The following ERBB4 variants were observed in gnomAD, a reference collection of about 807,000 sequenced individuals.
ERBB4 encodes receptor tyrosine-protein kinase erbB-4.
A neutral mutation model predicts 158.0 loss-of-function variants in ERBB4; 42 were observed. The ratio of observed to expected loss-of-function variants is 0.27; its 90% confidence interval spans 0.21 to 0.34. The LOEUF (loss-of-function observed/expected upper bound fraction) is 0.34, where lower values mean the gene tolerates loss of function less well. Ranked by LOEUF, ERBB4 falls within the 10% of genes least tolerant of loss-of-function variation. The probability of loss-of-function intolerance (pLI) is 1.00; values close to 1 mark genes in which losing one functional copy is unlikely to be tolerated. For synonymous variants in ERBB4, 583 were observed against 558.7 expected, an observed-to-expected ratio of 1.04 and a Z score of -0.61; for missense variants, 1,333 against 1,624.1, an observed-to-expected ratio of 0.82 and a Z score of 3.08.
chr2:211,948,059 A>G (rs987570784), intron 2 of ERBB4, among the ~76,000 whole-genome samples: 4 of 152,196 alleles, frequency 2.6e-5, no homozygotes, highest in African/African-American at 7.2e-5. Flanking sequence ...AAATGGCTCT[A>G]TTGGTGTTTG....
intron 20 of ERBB4, among the ~76,000 whole-genome samples, chr2:211,526,933 A>C (rs566268400): frequency 3.2e-4 from 48 of 152,268 alleles, no homozygotes; most frequent in African/African-American, 1.1e-3. Context: ...ACAATAAAGC[A>C]TGCCTACAAG....
At chr2:212,402,145 C>G (rs1201273451) in intron 1 of ERBB4, among the ~76,000 whole-genome samples, 1 of 152,006 alleles carries the variant, frequency 6.6e-6, no homozygotes, top group Non-Finnish European at 1.5e-5. Flanking sequence ...GTTTAATAAA[C>G]AGTGGTGCAT....
At chr2:211,494,841 G>A (rs564639826) in intron 20 of ERBB4, among the ~76,000 whole-genome samples, 1 of 152,224 alleles carries the variant, frequency 6.6e-6, no homozygotes, top group South Asian at 2.1e-4. Flanking sequence ...AGGATTCACT[G>A]TGCACCTCCT....
At chr2:212,454,872 G>T (rs1688198502) in intron 1 of ERBB4, among the ~76,000 whole-genome samples, 2 of 148,752 alleles carry the variant, frequency 1.3e-5, no homozygotes, top group East Asian at 2.0e-4. Context: ...GTTCCTTTAG[G>T]TTTTTTTTTT....
rs2082040305 is a variant in ERBB4 at position 212,187,227 on chromosome 2, A to G, written c.83-62324T>C. 2.6e-5 allele frequency among the ~76,000 whole-genome samples: 4 copies of G among 152,128 alleles called. No homozygotes were observed. The South Asian group carries it at 8.3e-4, about 32-fold the overall frequency. ...ATAAAACATTTGAGTACTATTATTA[A>G]CATTGAGACTGTCATTTAAGATATT... On this transcript the variant is annotated intron_variant, in intron 1 of 27. Coordinates refer to ENST00000342788, the MANE Select transcript of ERBB4 (RefSeq NM_005235.3).
intron 20 of ERBB4, among the ~76,000 whole-genome samples, chr2:211,514,702 TGA>T (rs2065978308): frequency 6.6e-6 from 1 of 152,170 alleles, no homozygotes; most frequent in African/African-American, 2.4e-5. Flanking sequence ...ACATACAGGT[TGA>T]GAATCCCTTA....
intron 2 of ERBB4, among the ~76,000 whole-genome samples, chr2:211,993,482 CA>C (rs1304527777): frequency 1.3e-5 from 2 of 151,910 alleles, no homozygotes; most frequent in Non-Finnish European, 2.9e-5. Flanking sequence ...CTAACTGAGG[CA>C]ATCCAATAAT....
intron 19 of ERBB4, among the ~76,000 whole-genome samples, chr2:211,600,179 C>T (rs993453837): frequency 6.6e-6 from 1 of 152,152 alleles, no homozygotes; most frequent in African/African-American, 2.4e-5. Context: ...AAAACAAGGT[C>T]AGAAGGAGCT....
At chr2:212,260,574 A>C (rs2084902623) in intron 1 of ERBB4, among the ~76,000 whole-genome samples, 1 of 152,154 alleles carries the variant, frequency 6.6e-6, no homozygotes, top group Non-Finnish European at 1.5e-5. Flanking sequence ...GCACTTTGGG[A>C]GGCCGAGGCG....
At chr2:212,447,068 C>G (rs2092371414) in intron 1 of ERBB4, among the ~76,000 whole-genome samples, 1 of 151,156 alleles carries the variant, frequency 6.6e-6, no homozygotes, top group South Asian at 2.1e-4. Flanking sequence ...GCAATCTCAG[C>G]TCACTGCAAG....
intron 1 of ERBB4, among the ~76,000 whole-genome samples, chr2:212,138,583 T>C (rs1239231146): frequency 2.0e-5 from 3 of 152,092 alleles, no homozygotes; most frequent in Admixed American, 2.0e-4. Context: ...TCCAGAATTA[T>C]AAAAAAACAC....
intron 14 of ERBB4, among the ~76,000 whole-genome samples, chr2:211,667,975 T>C (rs1279999044): frequency 1.3e-5 from 2 of 152,216 alleles, no homozygotes; most frequent in Non-Finnish European, 2.9e-5. Flanking sequence ...GATTTCATCA[T>C]TGCGCAGATA....
intron 1 of ERBB4, among the ~76,000 whole-genome samples, chr2:212,421,331 A>G (rs2091787881): frequency 6.6e-6 from 1 of 152,126 alleles, no homozygotes; most frequent in Non-Finnish European, 1.5e-5. Context: ...TCCTTCTGGA[A>G]ACCCTTTTTA....
intron 12 of ERBB4, among the ~76,000 whole-genome samples, chr2:211,696,598 A>T (rs1387741191): frequency 6.6e-6 from 1 of 152,154 alleles, no homozygotes; most frequent in African/African-American, 2.4e-5. Flanking sequence ...ATAATATGTT[A>T]TATAGGGTAT....
At chr2:211,752,124 G>A (rs1371160813) in intron 4 of ERBB4, among the ~76,000 whole-genome samples, 1 of 151,888 alleles carries the variant, frequency 6.6e-6, no homozygotes, top group Non-Finnish European at 1.5e-5. Context: ...GACTCCATCT[G>A]GCCTGAACAA....
At chr2:212,129,838 T>C (rs971607930) in intron 1 of ERBB4, among the ~76,000 whole-genome samples, 4 of 152,116 alleles carry the variant, frequency 2.6e-5, no homozygotes, top group Non-Finnish European at 5.9e-5. Flanking sequence ...TTCAATTTAG[T>C]AGATATTTTT....
intron 1 of ERBB4, among the ~76,000 whole-genome samples, chr2:212,391,317 T>C (rs575378244): frequency 1.0e-3 from 158 of 151,862 alleles, no homozygotes; most frequent in Middle Eastern, 6.8e-3. Flanking sequence ...TTATCAATAG[T>C]AAACTATATC....
In ERBB4 at chr2:212,311,822, A is replaced by T. The variant is rs950262306; in HGVS notation, c.83-186919T>A. Among the ~76,000 whole-genome samples the T allele has an allele frequency of 3.3e-5, 5 of 151,096 alleles. No homozygotes were observed. In the Admixed American group the frequency reaches 3.3e-4, roughly 10 times the overall value. ...AGATGGAAGAAATTAGATGACATCA[A>T]ACTAACAAATGCAGAGAAAGCCACA... On this transcript the variant is annotated intron_variant, in intron 1 of 27. Transcript: ENST00000342788.
chr2:212,364,746 C>T (rs1414468003), intron 1 of ERBB4, among the ~76,000 whole-genome samples: 1 of 151,758 alleles, frequency 6.6e-6, no homozygotes, highest in Non-Finnish European at 1.5e-5. Context: ...TCCATTCTCC[C>T]CCATCCCCAA....
Sources: allele counts gnomAD v4.1 joint callset (sites outside exome capture counted in the v4.1 genomes callset), GRCh38; gene constraint gnomAD v4.1.1; transcripts MANE v1.5; gene names NCBI Gene and HGNC (gene_info 2026-07-23, HGNC 2026-07-21).